The following PCDH15 variants were observed in gnomAD, a reference collection of about 807,000 sequenced individuals.
The protein encoded by PCDH15 is protocadherin related 15, also known as protocadherin-15.
Under a neutral mutation model 178.5 loss-of-function variants are expected in PCDH15, and 129 were observed. The observed-to-expected ratio is 0.72, with a 90% CI of 0.63 to 0.84. The LOEUF is 0.84. Ranked by LOEUF, PCDH15 falls within the 40% of genes least tolerant of loss-of-function variation. The pLI, the probability that PCDH15 is intolerant of heterozygous loss-of-function variation, is 0.00. For synonymous variants in PCDH15, 800 were observed against 732.0 expected (o/e 1.09, Z -1.50); for missense variants, 2,230 against 2,099.9 (o/e 1.06, Z -1.21).
At chr10:55,536,078 A>G (rs1217114337) in intron 2 of PCDH15, among the ~76,000 whole-genome samples, 1 of 152,110 alleles carries the variant, frequency 6.6e-6, no homozygotes, top group Non-Finnish European at 1.5e-5. Flanking sequence ...TAAAAAGGCT[A>G]TATCACATTG....
chr10:53,984,389 A>G (rs2090953221), intron 21 of PCDH15, among the ~76,000 whole-genome samples: 1 of 151,876 alleles, frequency 6.6e-6, no homozygotes, highest in African/African-American at 2.4e-5. Flanking sequence ...TGACCTTGTG[A>G]TCTGCCCACC....
intron 15 of PCDH15, among the ~76,000 whole-genome samples, chr10:54,123,625 G>T (rs2041745631): frequency 6.6e-6 from 1 of 151,858 alleles, no homozygotes; most frequent in Non-Finnish European, 1.5e-5. Flanking sequence ...ATTTCTCAAA[G>T]AACTAAAAAT....
rs191482308 is a variant in PCDH15 at position 54,820,272 on chromosome 10, G to A, written c.-29+77178C>T. The stretch of plus-strand genomic sequence containing the variant: ...CTCCATCGAGATACTTCTTCCAGTC[G>A]CTATGTTCTACATGAAATGAATCAC... On this transcript the variant is annotated intron_variant, in intron 3 of 5. Coordinates refer to the PCDH15 transcript ENST00000458638. Among the ~76,000 whole-genome samples the A allele has an allele frequency of 3.3e-5, 5 of 151,848 alleles. No individual in the cohort carries two copies. The East Asian group carries it at 9.7e-4, about 29-fold the overall frequency.
At chr10:54,948,580 A>G (rs1329630625) in intron 2 of PCDH15, among the ~76,000 whole-genome samples, 1 of 151,874 alleles carries the variant, frequency 6.6e-6, no homozygotes, top group Non-Finnish European at 1.5e-5. Flanking sequence ...GCATTATCCA[A>G]TCTGTTGAGG....
chr10:54,258,895 G>A lies in PCDH15; in HGVS notation c.877-21964C>T, dbSNP rs374814650. ...AACATAAAATGTCCTTTTGTTTTTC[G>A]TTTTGCATTTATTTCTTATTTCATC... On this transcript the variant is annotated intron_variant, in intron 8 of 37. Coordinates refer to ENST00000644397, the MANE Select transcript of PCDH15 (RefSeq NM_001384140.1). 2.3e-3 allele frequency among the ~76,000 whole-genome samples: 357 copies of A among 152,044 alleles called. 1 individual carries two copies. Among genetic ancestry groups the A allele is most frequent in the African/African-American group, 8.0e-3 (333 of 41,494 alleles).
intron 1 of PCDH15, among the ~76,000 whole-genome samples, chr10:54,708,801 TGCGCGC>T (rs58888332): frequency 2.4e-5 from 3 of 125,568 alleles, no homozygotes; most frequent in Non-Finnish European, 5.4e-5. Flanking sequence ...TGTGTGTGTG[TGCGCGC>T]GCGTGCGTGT....
chr10:55,121,358 T>TGG (rs35173407), intron 2 of PCDH15, among the ~76,000 whole-genome samples: 299 of 149,084 alleles, frequency 2.0e-3, no homozygotes, highest in Middle Eastern at 6.9e-3. Context: ...GGCTCAGAGC[T>TGG]GGGGGGGGGC....
intron 2 of PCDH15, among the ~76,000 whole-genome samples, chr10:55,107,078 T>C (rs993391517): frequency 1.3e-5 from 2 of 152,270 alleles, no homozygotes; most frequent in African/African-American, 4.8e-5. Context: ...GATTTAGGTT[T>C]GCTCTCTTGT....
intron 2 of PCDH15, among the ~76,000 whole-genome samples, chr10:54,598,440 C>A (rs1476202952): frequency 6.6e-6 from 1 of 152,040 alleles, no homozygotes; most frequent in African/African-American, 2.4e-5. Flanking sequence ...ATGTTAAAAA[C>A]TCTTTACAAA....
chr10:54,605,535 C>A (rs746548522), intron 2 of PCDH15, among the ~76,000 whole-genome samples: 35 of 152,170 alleles, frequency 2.3e-4, no homozygotes, highest in Non-Finnish European at 4.6e-4. Flanking sequence ...TAACACATAA[C>A]AAGTTGTTTT....
intron 1 of PCDH15, among the ~76,000 whole-genome samples, chr10:54,701,454 G>A (rs1262113413): frequency 6.6e-6 from 1 of 152,022 alleles, no homozygotes; most frequent in Non-Finnish European, 1.5e-5. Context: ...GCACATATCA[G>A]TATTAACCTT....
intron 1 of PCDH15, among the ~76,000 whole-genome samples, chr10:55,191,612 A>G (rs1351480976): frequency 6.6e-6 from 1 of 151,934 alleles, no homozygotes; most frequent in Non-Finnish European, 1.5e-5. Flanking sequence ...TAACTACATT[A>G]CAAGATGTTT....
intron 11 of PCDH15, among the ~76,000 whole-genome samples, chr10:54,185,946 A>T (rs1314812268): frequency 6.6e-6 from 1 of 152,090 alleles, no homozygotes; most frequent in Non-Finnish European, 1.5e-5. Flanking sequence ...TATACTTAAA[A>T]AGGAAGGGAT....
chr10:53,831,417 C>CCTCT lies in PCDH15; in HGVS notation c.4096_4099dup (p.Gly1367GlufsTer38), dbSNP rs2077007633. On this transcript the variant is annotated frameshift_variant, in exon 30 of 38. Transcript: ENST00000644397. LOFTEE classifies it high-confidence loss of function. ...CCCTTCTGTGTATCCTAGACTTTCT[C>CCTCT]CTCTCTTTTTAATGCTGGTCACTGC... 6.2e-7 allele frequency: 1 copy of CCTCT among 1,613,976 alleles called. No homozygotes were observed. Among genetic ancestry groups the CCTCT allele is most frequent in the African/African-American group, 1.3e-5 (1 of 74,906 alleles).
chr10:55,082,784 T>C (rs2265703), intron 2 of PCDH15, among the ~76,000 whole-genome samples: 14,298 of 151,870 alleles, frequency 0.094, 2,041 homozygotes, highest in African/African-American at 0.31. Flanking sequence ...CAACTATATG[T>C]CAATAAATTG....
intron 2 of PCDH15, among the ~76,000 whole-genome samples, chr10:55,445,490 A>C (rs1412508462): frequency 6.6e-6 from 1 of 152,120 alleles, no homozygotes; most frequent in African/African-American, 2.4e-5. Context: ...AGAAATATTA[A>C]TAGTAGTAAT....
At chr10:55,590,155 C>G (rs542274054) in intron 2 of PCDH15, among the ~76,000 whole-genome samples, 248 of 151,820 alleles carry the variant, frequency 1.6e-3, no homozygotes, top group East Asian at 0.013. Flanking sequence ...GAGTTCATGT[C>G]CTTTATAGGG....
chr10:54,619,408 A>T (rs750474429), intron 2 of PCDH15: 1 of 152,136 alleles, frequency 6.6e-6, no homozygotes, highest in African/African-American at 2.4e-5. Context: ...ATGGTTTCAT[A>T]ATGACATTGA....
At chr10:54,753,029 A>T (rs1946557953) in intron 1 of PCDH15, among the ~76,000 whole-genome samples, 1 of 152,146 alleles carries the variant, frequency 6.6e-6, no homozygotes, top group African/African-American at 2.4e-5. Flanking sequence ...AGCACCATAT[A>T]CTGACTGCCT....
Sources: gnomAD v4.1 joint callset for allele counts (sites outside exome capture counted in the v4.1 genomes callset) on GRCh38, gnomAD v4.1.1 for gene constraint, MANE v1.5 for transcripts, NCBI Gene and HGNC (gene_info 2026-07-23, HGNC 2026-07-21) for gene names.